Variants in TNRC18 observed in about 807,000 individuals in gnomAD.
The protein encoded by TNRC18 is trinucleotide repeat containing 18.
TNRC18 carries 69 observed loss-of-function variants against 226.7 expected under a neutral mutation model. The ratio of observed to expected loss-of-function variants is 0.30; its 90% CI spans 0.25 to 0.37. The LOEUF is 0.37. Among genes scored for constraint, TNRC18 ranks in the 10% least tolerant of loss-of-function variants. The pLI, the probability that TNRC18 is intolerant of heterozygous loss-of-function variation, is 1.00. For missense variants in TNRC18, 4,754 were observed against 4,256.6 expected (o/e 1.12, Z -3.25); for synonymous variants, 2,449 against 1,927.6 (o/e 1.27, Z -7.09).
intron 2 of TNRC18, among the ~76,000 whole-genome samples, chr7:5,401,042 T>C (rs979521029): frequency 6.6e-6 from 1 of 151,912 alleles, no homozygotes; most frequent in South Asian, 2.1e-4. Context: ...CAAAAAAAAT[T>C]TATTAAAAAT....
chr7:5,320,980 C>T, intron 22 of TNRC18, 93 bp downstream of exon 22: 2 of 929,516 alleles, frequency 2.2e-6, no homozygotes, highest in African/African-American at 1.6e-5. Flanking sequence ...AAACCACAGC[C>T]CAGAAAGGAG....
At chr7:5,393,455 C>A (rs1177573151) in intron 3 of TNRC18, among the ~76,000 whole-genome samples, 1 of 152,232 alleles carries the variant, frequency 6.6e-6, no homozygotes, top group African/African-American at 2.4e-5. Flanking sequence ...GGGCTGAACA[C>A]AGCAGCCGCA....
intron 25 of TNRC18, among the ~76,000 whole-genome samples, chr7:5,315,375 T>G (rs1787747458): frequency 6.6e-6 from 1 of 151,356 alleles, no homozygotes; most frequent in South Asian, 2.1e-4. Context: ...AAGCACTTTG[T>G]GGAACCGGGA....
At chr7:5,326,296 G>A (rs551145176) in intron 19 of TNRC18, among the ~76,000 whole-genome samples, 2 of 151,854 alleles carry the variant, frequency 1.3e-5, no homozygotes, top group South Asian at 2.1e-4. Context: ...GCTTTGCAAC[G>A]TTTCCCCTCA....
rs758757732 is a variant in TNRC18, at chr7:5,351,890, A to T, written c.5399T>A (p.Phe1800Tyr). ...CTCGGCCTCTCGAAGCAGCAGACAA[A>T]ACGGCTGCTTCCTGCTGGTGGCCGG... Reference protein sequence around the residue: ...PKPATSRKQPFCLLLREAEAR... With the variant: ...PKPATSRKQPYCLLLREAEAR... The change falls in exon 17 of 30, where the codon TTT (phenylalanine) becomes TAT (tyrosine). Residue 1800 changes from phenylalanine to tyrosine, a missense_variant. Phe to Tyr is a conservative substitution (Grantham distance 22). Coordinates refer to ENST00000430969, the MANE Select transcript of TNRC18 (RefSeq NM_001080495.3). The T allele has an allele frequency of 3.1e-6, 5 of 1,613,512 alleles. No individual in the cohort carries two copies. Among genetic ancestry groups the T allele is most frequent in the Admixed American group, 1.7e-5 (1 of 59,926 alleles).
chr7:5,377,312 A>AGCC lies in TNRC18; in HGVS notation c.2461+58_2461+59insGGC. The AGCC allele has an allele frequency of 1.5e-6, 2 of 1,295,732 alleles. No homozygotes were observed. Among genetic ancestry groups the AGCC allele is most frequent in the Non-Finnish European group, 1.1e-6 (1 of 951,902 alleles). 80.3% of individuals were successfully genotyped at this position (1,295,732 alleles called of 1,614,324 possible). ...AGCCAGCCCTGAGCTCTTGTCCTGC[A>AGCC]CCCGCCCCCTCCCACCCCTCCCTCA... On this transcript the variant is annotated intron_variant, in intron 7 of 29. Coordinates refer to ENST00000430969, the MANE Select transcript of TNRC18 (RefSeq NM_001080495.3). The surrounding 1 kb of genome is among the most constrained non-coding windows in gnomAD (Gnocchi z 5.8).
intron 22 of TNRC18, among the ~76,000 whole-genome samples, 184 bp downstream of exon 22, chr7:5,320,889 C>T (rs1788284666): frequency 6.6e-6 from 1 of 152,258 alleles, no homozygotes; most frequent in African/African-American, 2.4e-5. Flanking sequence ...TGGGAGGGTT[C>T]ACCCAGTACT....
intron 2 of TNRC18, among the ~76,000 whole-genome samples, chr7:5,416,709 T>G (rs1782212005): frequency 6.6e-6 from 1 of 150,474 alleles, no homozygotes; most frequent in Admixed American, 6.6e-5. Flanking sequence ...TAAAAAAAAT[T>G]AGCTGGGTGT....
rs781702172 is a variant in TNRC18 at position 5,377,573 on chromosome 7, C to T, written c.2259G>A (p.Glu753=). 6 of 1,577,232 alleles carry T rather than the reference C, an allele frequency of 3.8e-6. No homozygotes were observed. Among genetic ancestry groups the T allele is most frequent in the Admixed American group, 3.7e-5 (2 of 53,906 alleles). ...GGGCCAGGTCAGCCAGCTCCTTACT[C>T]TCTCTGGAAGGAGGATCATAGGTGT... The part of the protein sequence containing the change: ...LDRDQEKLLR[E]SKELADLARL... The change falls in exon 7 of 30, where the codon GAG becomes GAA. Residue 753 remains glutamate (E), a synonymous_variant. Coordinates refer to ENST00000430969, the MANE Select transcript of TNRC18 (RefSeq NM_001080495.3). The surrounding 1 kb of genome is among the most constrained non-coding windows in gnomAD (Gnocchi z 5.8).
Position 5,351,886 on chromosome 7 carries a change from A to G in TNRC18, c.5403T>C (p.Cys1801=), listed in dbSNP as rs1372595295. The G allele has an allele frequency of 6.2e-7, 1 of 1,613,570 alleles. No homozygotes were observed. Among genetic ancestry groups the G allele is most frequent in the Non-Finnish European group, 8.5e-7 (1 of 1,179,724 alleles). ...GCGCCTCGGCCTCTCGAAGCAGCAG[A>G]CAAAACGGCTGCTTCCTGCTGGTGG... ...KPATSRKQPF[C]LLLREAEARS... The change falls in exon 17 of 30, where the codon TGT becomes TGC. Residue 1801 remains cysteine, a synonymous_variant. Transcript: ENST00000430969.
chr7:5,420,931 G>A (rs1178501463), intron 2 of TNRC18, 129 bp downstream of exon 2: 1 of 1,180,214 alleles, frequency 8.5e-7, no homozygotes, highest in Non-Finnish European at 1.2e-6. Flanking sequence ...TGGGAGCCGA[G>A]TCTGCCCGCA....
intron 18 of TNRC18, 45 bp downstream of exon 18, chr7:5,345,517 G>GGGGGGCGGGGCCACACCC: frequency 2.6e-6 from 1 of 377,744 alleles, no homozygotes. Context: ...AATGGCGTCC[G>GGGGGGCGGGGCCACACCC]CCCCTCCCAC....
At chr7:5,341,248 A>T (rs372539052) in intron 18 of TNRC18, among the ~76,000 whole-genome samples, 2 of 102,216 alleles carry the variant, frequency 2.0e-5, no homozygotes, top group Non-Finnish European at 2.1e-5. Flanking sequence ...TGTCTCTACT[A>T]AAAAAAAAAA....
At chr7:5,342,343 C>T (rs773809244) in intron 18 of TNRC18, among the ~76,000 whole-genome samples, 53 of 151,886 alleles carry the variant, frequency 3.5e-4, no homozygotes, top group South Asian at 1.0e-3. Context: ...GCACAAGAAC[C>T]GCTTGAACTG....
rs143829497 is a variant in TNRC18, at chr7:5,394,227, G to C, written c.343+213C>G. Among the ~76,000 whole-genome samples the C allele has an allele frequency of 1.4e-4, 21 of 152,268 alleles. No individual in the cohort carries two copies. The highest frequency in any genetic ancestry group is 4.8e-4 in the African/African-American group (20 of 41,546). On this transcript the variant is annotated intron_variant, in intron 3 of 29. Coordinates refer to ENST00000430969, the MANE Select transcript of TNRC18 (RefSeq NM_001080495.3). The surrounding 1 kb of genome is among the most constrained non-coding windows in gnomAD (Gnocchi z 4.5). ...TGGAAGGTGGTCTGTGGCATGGGGT[G>C]TCAGGCTGAAAGGAGAGGAAACAGC...
At position 5,420,831 on chromosome 7, in the gene TNRC18, TC is replaced by T. The variant is rs1220812710; in HGVS notation, c.187+228del. On this transcript the variant is annotated intron_variant, in intron 2 of 29. Transcript: ENST00000430969. ...TCGGGCTACCACACCGGCTTTCGGC[TC>T]ACGAGGGCCAAGCACGCTACGGAAA... is the stretch of plus-strand genomic sequence containing the variant. 5.6e-6 allele frequency: 4 copies of T among 713,140 alleles called. No individual in the cohort carries two copies. The African/African-American group carries it at 7.1e-5, about 13-fold the overall frequency. 44.2% of individuals were successfully genotyped at this position (713,140 alleles called of 1,614,324 possible). A position where few individuals can be genotyped will look rare whatever the true frequency, so the allele number is the denominator to read the frequency against.
At chr7:5,363,230 G>A (rs867105819) in intron 11 of TNRC18, among the ~76,000 whole-genome samples, 2 of 152,048 alleles carry the variant, frequency 1.3e-5, no homozygotes, top group African/African-American at 4.8e-5. Flanking sequence ...TTGAACCCGG[G>A]AGGCAGAGGT....
At chr7:5,387,011 T>C (rs1324249398) in intron 5 of TNRC18, among the ~76,000 whole-genome samples, 1 of 151,616 alleles carries the variant, frequency 6.6e-6, no homozygotes, top group Non-Finnish European at 1.5e-5. Context: ...GAGGCGGAGG[T>C]TGCGGTGAGC....
rs555124514 is a variant in TNRC18 at position 5,332,331 on chromosome 7, G to A, written c.6147+291C>T. On this transcript the variant is annotated intron_variant, in intron 19 of 29. Transcript: ENST00000430969. The stretch of plus-strand genomic sequence containing the variant: ...GTCTGAAGATCCAGCTATTTGGGAG[G>A]CTGAGGCAGGAGGACTGCTAGAGGC... Among the ~76,000 whole-genome samples the A allele has an allele frequency of 2.0e-5, 3 of 152,302 alleles. No individual in the cohort carries two copies. In the East Asian group the frequency reaches 5.8e-4, roughly 29 times the overall value.
Sources: gnomAD v4.1 joint callset for allele counts (sites outside exome capture counted in the v4.1 genomes callset) on GRCh38, gnomAD v4.1.1 for gene constraint, Gnocchi (gnomAD v3.1) non-coding constraint, MANE v1.5 for transcripts, NCBI Gene and HGNC (gene_info 2026-07-23, HGNC 2026-07-21) for gene names.